BTN3A3: variants seen among roughly 807,000 people sequenced by gnomAD.
BTN3A3 encodes butyrophilin subfamily 3 member A3.
Under a neutral mutation model 43.2 loss-of-function variants are expected in BTN3A3, and 39 were observed. That is an observed-to-expected ratio of 0.90 (90% CI 0.70 to 1.18). The LOEUF is 1.18. Ranked by LOEUF, BTN3A3 falls within the 50% of genes most tolerant of loss-of-function variation. BTN3A3 has a pLI of 0.00. For synonymous variants in BTN3A3, 255 were observed against 272.7 expected (o/e 0.93, Z 0.64); for missense variants, 631 against 722.8 (o/e 0.87, Z 1.46).
At chr6:26,446,124 T>C (rs761241434) in intron 5 of BTN3A3, 139 bp downstream of exon 5, 183 of 1,381,898 alleles carry the variant, frequency 1.3e-4, no homozygotes, top group Non-Finnish European at 1.8e-4. Flanking sequence ...AGCAGGGACC[T>C]GAAGGCTACT....
Position 26,447,333 on chromosome 6 carries a change from C to G in BTN3A3, c.716-915C>G, listed in dbSNP as rs139873428. Among the ~76,000 whole-genome samples, 67 of 152,184 alleles carry G rather than the reference C, an allele frequency of 4.4e-4. 1 individual carries two copies. In the East Asian group the frequency reaches 0.011, roughly 25 times the overall value. On this transcript the variant is annotated intron_variant, in intron 5 of 10. Transcript: ENST00000244519. Reference sequence around the variant, plus strand: ...ACTTACATTTTTAAAATTTAACAAGCAATTTTGTAATACTCACTGTACATC... The same window carrying G: ...ACTTACATTTTTAAAATTTAACAAGGAATTTTGTAATACTCACTGTACATC...
intron 10 of BTN3A3, among the ~76,000 whole-genome samples, chr6:26,450,911 G>T (rs185415471): frequency 1.5e-3 from 226 of 152,308 alleles, no homozygotes; most frequent in African/African-American, 4.9e-3. Flanking sequence ...GGAAGCAGGA[G>T]AATAAACAGT....
At position 26,444,224 on chromosome 6, in the gene BTN3A3, C is replaced by T. The variant is rs763133805; in HGVS notation, c.353C>T (p.Ala118Val). ...GCTCTCCGAATACACAACGTCACAG[C>T]CTCTGACAGTGGAAAGTACTTGTGT... ...KAALRIHNVT[A>V]SDSGKYLCYF... Residue 118 changes from alanine (A) to valine (V), a missense_variant, in exon 4 of 11, where the codon GCC becomes GTC. Physicochemically the swap from Ala to Val is moderately conservative, Grantham distance 64. Coordinates refer to ENST00000244519, the MANE Select transcript of BTN3A3 (RefSeq NM_006994.5). 6.8e-6 allele frequency: 11 copies of T among 1,611,902 alleles called. No homozygotes were observed. Among genetic ancestry groups the T allele is most frequent in the African/African-American group, 1.3e-5 (1 of 74,834 alleles).
chr6:26,451,595 G>A, intron 10 of BTN3A3, 80 bp from the exon 11 acceptor site: 1 of 1,537,332 alleles, frequency 6.5e-7, no homozygotes, highest in Non-Finnish European at 8.7e-7. Flanking sequence ...TCCTTAGCAT[G>A]GTCCAGGCCT....
rs527794616 is a variant in BTN3A3, at chr6:26,452,213, G to A, written c.1557G>A (p.Glu519=). Residue 519 remains glutamate (E), a synonymous_variant, in exon 11 of 11, where the codon GAG becomes GAA. Coordinates refer to ENST00000244519, the MANE Select transcript of BTN3A3 (RefSeq NM_006994.5). ...LTICPIPKEV[E]SSPDPDLVPD... The stretch of plus-strand genomic sequence containing the variant: ...TTTGCCCAATACCAAAAGAAGTAGA[G>A]AGTTCCCCCGATCCTGACCTAGTGC... 1.2e-6 allele frequency: 2 copies of A among 1,614,120 alleles called. No individual in the cohort carries two copies. Among genetic ancestry groups the A allele is most frequent in the Admixed American group, 3.3e-5 (2 of 60,012 alleles).
rs1404066632 is a variant in BTN3A3, at chr6:26,452,184, AC to A, written c.1530del (p.Ile511PhefsTer8). 6.2e-7 allele frequency: 1 copy of A among 1,613,976 alleles called. No individual in the cohort carries two copies. The highest frequency in any genetic ancestry group is 8.5e-7 in the Non-Finnish European group (1 of 1,180,012). ...TTTGACCTTGGAGCCCACTGCCCTG[AC>A]CATTTGCCCAATACCAAAAGAAGTA... The part of the protein sequence containing the change: ...RILTLEPTAL[T>X]ICPIPKEVES... On this transcript the variant is annotated frameshift_variant, in exon 11 of 11. Coordinates refer to ENST00000244519, the MANE Select transcript of BTN3A3 (RefSeq NM_006994.5). LOFTEE classifies it low-confidence loss of function (END_TRUNC).
intron 1 of BTN3A3, among the ~76,000 whole-genome samples, chr6:26,442,354 A>G (rs1762658146): frequency 6.6e-6 from 1 of 152,254 alleles, no homozygotes; most frequent in African/African-American, 2.4e-5. Flanking sequence ...TTTTAAAAGT[A>G]AAGGGAGCAA....
chr6:26,448,588 T>C, intron 6 of BTN3A3, 29 bp from the exon 7 acceptor site: 9 of 1,613,950 alleles, frequency 5.6e-6, no homozygotes, highest in Non-Finnish European at 7.6e-6. Context: ...CTGTTCTTTT[T>C]TTCTTTTCTT....
In BTN3A3 at chr6:26,448,940, C is replaced by G. The variant is rs529873784; in HGVS notation, c.964+186C>G. Among the ~76,000 whole-genome samples the G allele has an allele frequency of 5.9e-5, 9 of 152,114 alleles. 1 individual carries two copies. The highest frequency in any genetic ancestry group is 1.9e-4 in the African/African-American group (8 of 41,492). ...CCCAGAAGGAGTCTCTCTCTCTCGT[C>G]TATCTCTCTCTCTAAGAAAAGAAAA... On this transcript the variant is annotated intron_variant, in intron 8 of 10. Transcript: ENST00000244519.
chr6:26,445,683 G>A (rs757993738), intron 4 of BTN3A3, 21 bp from the exon 5 acceptor site: 1 of 1,606,194 alleles, frequency 6.2e-7, no homozygotes, highest in South Asian at 1.1e-5. Context: ...CAAGAATTTA[G>A]GGCAATTTAT....
At chr6:26,448,210 G>C (rs946886199) in intron 5 of BTN3A3, 38 bp from the exon 6 acceptor site, 50 of 1,605,780 alleles carry the variant, frequency 3.1e-5, no homozygotes, top group Non-Finnish European at 4.2e-5. Context: ...GAGGCTGAGT[G>C]CACTAGCTCC....
intron 1 of BTN3A3, among the ~76,000 whole-genome samples, chr6:26,442,166 C>T (rs72843729): frequency 0.014 from 2,104 of 152,262 alleles, 29 homozygotes; most frequent in Non-Finnish European, 0.022. Context: ...CATTCCCAGA[C>T]TCAGGTAGCT....
intron 4 of BTN3A3, chr6:26,444,590 T>A: frequency 1.8e-6 from 1 of 562,426 alleles, no homozygotes; most frequent in Non-Finnish European, 3.1e-6. Flanking sequence ...ATCATCTCTT[T>A]AGTGACTGGT....
chr6:26,446,488 T>C (rs1762782163), intron 5 of BTN3A3, among the ~76,000 whole-genome samples: 1 of 152,172 alleles, frequency 6.6e-6, no homozygotes, highest in African/African-American at 2.4e-5. Flanking sequence ...CTTATGATAT[T>C]AGCAAAAATC....
rs1247337143 is a variant in BTN3A3, at chr6:26,450,217, G to C, written c.1018+84G>C. On this transcript the variant is annotated intron_variant, in intron 10 of 10. Transcript: ENST00000244519. Reference sequence around the variant, plus strand: ...CCTCCTCCAACTCTTGTGATTTAGGGAAGAAAAGTTCCCTTGACTAAGAAA... The same window carrying C: ...CCTCCTCCAACTCTTGTGATTTAGGCAAGAAAAGTTCCCTTGACTAAGAAA... 9.9e-6 allele frequency: 15 copies of C among 1,516,168 alleles called. No individual in the cohort carries two copies. The East Asian group carries it at 3.2e-4, about 32-fold the overall frequency. The allele number at this position is 1,516,168 out of a possible 1,614,324, so 93.9% of individuals were successfully genotyped here.
chr6:26,441,571 G>A (rs565636439), intron 1 of BTN3A3, among the ~76,000 whole-genome samples: 1 of 149,752 alleles, frequency 6.7e-6, no homozygotes, highest in East Asian at 2.0e-4. Flanking sequence ...TTTTTTAATA[G>A]CATTTCCTTG....
rs537767670 is a variant in BTN3A3 at position 26,445,477 on chromosome 6, C to T, written c.434-227C>T. Reference sequence around the variant, plus strand: ...TTATGTCTCCGGAACAGATCCCTCTCCTCCTCCCTCTGGTAATTGGGGTGG... The same window carrying T: ...TTATGTCTCCGGAACAGATCCCTCTTCTCCTCCCTCTGGTAATTGGGGTGG... On this transcript the variant is annotated intron_variant, in intron 4 of 10. Coordinates refer to ENST00000244519, the MANE Select transcript of BTN3A3 (RefSeq NM_006994.5). 8 of 584,724 alleles carry T rather than the reference C, an allele frequency of 1.4e-5. No individual in the cohort carries two copies. The South Asian group carries it at 1.5e-4, about 11-fold the overall frequency. The allele number at this position is 584,724 out of a possible 1,614,324, so 36.2% of individuals were successfully genotyped here.
chr6:26,445,751 G>C lies in BTN3A3; in HGVS notation c.481G>C (p.Gly161Arg). 10 of 1,614,200 alleles carry C rather than the reference G, an allele frequency of 6.2e-6. No homozygotes were observed. The highest frequency in any genetic ancestry group is 1.3e-5 in the African/African-American group (1 of 75,058). Residue 161 changes from glycine (G) to arginine (R), a missense_variant, in exon 5 of 11, where the codon GGG (glycine) becomes CGG (arginine). Physicochemically the swap from Gly to Arg is moderately radical, Grantham distance 125. Transcript: ENST00000244519. ...TGAAGTGAAGGGTTATGAGGATGGA[G>C]GGATCCATCTGGAGTGCAGGTCCAC... ...HIEVKGYEDG[G>R]IHLECRSTGW...
chr6:26,444,445 C>A, intron 4 of BTN3A3, 141 bp downstream of exon 4: 1 of 1,336,556 alleles, frequency 7.5e-7, no homozygotes, highest in Non-Finnish European at 1.0e-6. Flanking sequence ...AGCTTCTCTG[C>A]AACCCTTAAG....
Sources: allele counts gnomAD v4.1 joint callset (sites outside exome capture counted in the v4.1 genomes callset), GRCh38; gene constraint gnomAD v4.1.1; transcripts MANE v1.5; gene names NCBI Gene and HGNC (gene_info 2026-07-23, HGNC 2026-07-21).